TLCD3B: variants seen among roughly 807,000 people sequenced by gnomAD.
TLCD3B encodes the protein ceramide synthase.
In TLCD3B, 9 loss-of-function variants were observed where a neutral mutation model predicts 23.0. The ratio of observed to expected loss-of-function variants is 0.39; its 90% CI spans 0.24 to 0.68. TLCD3B has a LOEUF of 0.68. Among genes scored for constraint, TLCD3B ranks in the 30% least tolerant of loss-of-function variants. The pLI is 0.44. For missense variants in TLCD3B, 307 were observed against 371.8 expected (o/e 0.83, Z 1.43); for synonymous variants, 161 against 161.0 (o/e 1.00, Z 0.00).
chr16:30,032,369 C>A (rs566470689), upstream of TLCD3B, among the ~76,000 whole-genome samples: 5 of 152,170 alleles, frequency 3.3e-5, no homozygotes, highest in African/African-American at 4.8e-5. Context: ...CTCGCCTCCC[C>A]CAAAGAAAGG....
At position 30,025,727 on chromosome 16, in the gene TLCD3B, T is replaced by C. The variant is rs981098675; in HGVS notation, c.539A>G (p.Gln180Arg). ...CTGCACCCTCCCATGCTCACTCACC[T>C]GGATGAGGATCTTGCCAAGGCAGAC... ...PFVCLGKILI[Q>R]YKQQHTLLHK... Residue 180 changes from glutamine to arginine, a missense_variant and splice_region_variant, in exon 4 of 5, where the codon CAG (glutamine) becomes CGG (arginine). Physicochemically the swap from Gln to Arg is conservative, Grantham distance 43 (BLOSUM62 1). Transcript: ENST00000380495. This position sits in a 1 kb window ranked among gnomAD's most constrained non-coding sequence, Gnocchi z 4.1. The C allele has an allele frequency of 3.1e-6, 5 of 1,614,110 alleles. No individual in the cohort carries two copies. Among genetic ancestry groups the C allele is most frequent in the Non-Finnish European group, 3.4e-6 (4 of 1,179,972 alleles).
chr16:30,035,558 T>C, upstream of TLCD3B: 1 of 1,252,526 alleles, frequency 8.0e-7, no homozygotes, highest in Non-Finnish European at 1.0e-6. Context: ...AGCAGCCTTC[T>C]TCACCCCCAA....
chr16:30,039,053 A>G (rs1257163830), intron 3 of TLCD3B, among the ~76,000 whole-genome samples: 2 of 148,174 alleles, frequency 1.3e-5, no homozygotes, highest in African/African-American at 5.0e-5. Flanking sequence ...TACAATTTAG[A>G]CATCCTCATT....
chr16:30,027,169 G>A (rs143939300), intron 2 of TLCD3B: 23 of 485,708 alleles, frequency 4.7e-5, no homozygotes, highest in African/African-American at 3.5e-4. Flanking sequence ...GCCCAGGACA[G>A]GCAGGTGGGA....
upstream of TLCD3B, chr16:30,036,115 G>A (rs186894330): frequency 4.0e-5 from 50 of 1,247,662 alleles, no homozygotes; most frequent in East Asian, 5.1e-4. Flanking sequence ...CCCGCCCGCC[G>A]CCCACCCTAA....
chr16:30,044,010 C>CTTT (rs34857578), intron 2 of TLCD3B, among the ~76,000 whole-genome samples: 1 of 138,982 alleles, frequency 7.2e-6, no homozygotes. Flanking sequence ...TAACCATGTC[C>CTTT]TTTTTTTTTT....
At chr16:30,051,110 T>C (rs954688684) in intron 1 of TLCD3B, among the ~76,000 whole-genome samples, 4 of 151,940 alleles carry the variant, frequency 2.6e-5, no homozygotes, top group African/African-American at 7.3e-5. Context: ...AATCAGTGAG[T>C]ATTGGCTGAG....
At chr16:30,036,185 G>A, upstream of TLCD3B, 4 of 1,288,880 alleles carry the variant, frequency 3.1e-6, no homozygotes, top group Non-Finnish European at 4.0e-6. Flanking sequence ...GACAGAAAGG[G>A]AGGTTGATGT....
intron 3 of TLCD3B, among the ~76,000 whole-genome samples, chr16:30,038,408 C>T (rs989712729): frequency 3.3e-5 from 5 of 151,994 alleles, no homozygotes; most frequent in Admixed American, 1.3e-4. Context: ...GCTTTGATCA[C>T]GAGACTGCAC....
intron 3 of TLCD3B, among the ~76,000 whole-genome samples, chr16:30,038,179 C>G (rs1470523826): frequency 6.6e-6 from 1 of 152,218 alleles, no homozygotes; most frequent in Non-Finnish European, 1.5e-5. Flanking sequence ...GTGGGCAAAG[C>G]CTTTATGGGC....
chr16:30,036,211 A>G, upstream of TLCD3B: 1 of 1,289,144 alleles, frequency 7.8e-7, no homozygotes, highest in Non-Finnish European at 1.0e-6. Context: ...CTCAGCACCC[A>G]GAACTTGGAA....
At chr16:30,047,858 C>T (rs1028373308) in intron 1 of TLCD3B, among the ~76,000 whole-genome samples, 5 of 151,456 alleles carry the variant, frequency 3.3e-5, no homozygotes, top group Non-Finnish European at 5.9e-5. Flanking sequence ...CTCCTGGGCT[C>T]AGCCCTGGCG....
intron 1 of TLCD3B, among the ~76,000 whole-genome samples, chr16:30,050,601 G>C (rs2071735254): frequency 6.6e-6 from 1 of 152,204 alleles, no homozygotes; most frequent in Non-Finnish European, 1.5e-5. Flanking sequence ...ATCTTCTTTA[G>C]GATCAATAAT....
At chr16:30,044,006 T>C (rs913607355) in intron 2 of TLCD3B, among the ~76,000 whole-genome samples, 44 of 133,820 alleles carry the variant, frequency 3.3e-4, no homozygotes, top group African/African-American at 1.3e-3. Flanking sequence ...GAGCTAACCA[T>C]GTCCTTTTTT....
At chr16:30,026,247 AAG>A (rs1596734693) in intron 3 of TLCD3B, among the ~76,000 whole-genome samples, 2 of 150,674 alleles carry the variant, frequency 1.3e-5, no homozygotes. Flanking sequence ...AAAGAAAAAA[AAG>A]AGAAAGAACA....
At chr16:30,050,549 A>C (rs2151000979) in intron 1 of TLCD3B, among the ~76,000 whole-genome samples, 1 of 152,296 alleles carries the variant, frequency 6.6e-6, no homozygotes, top group Non-Finnish European at 1.5e-5. Context: ...CTCAAAAAAA[A>C]CAAAAACAAA....
chr16:30,033,351 C>A, upstream of TLCD3B: 1 of 152,338 alleles, frequency 6.6e-6, no homozygotes, highest in Non-Finnish European at 1.5e-5. Context: ...GGGTGATGGG[C>A]GGCCACCGTA....
upstream of TLCD3B, chr16:30,036,229 G>T (rs868352081): frequency 7.8e-7 from 1 of 1,289,114 alleles, no homozygotes; most frequent in Middle Eastern, 2.1e-4. Context: ...GAAAAAGGAA[G>T]GGAGGGGGTT....
chr16:30,038,409 G>A (rs1272277250), intron 3 of TLCD3B, among the ~76,000 whole-genome samples: 1 of 152,078 alleles, frequency 6.6e-6, no homozygotes, highest in Admixed American at 6.6e-5. Context: ...CTTTGATCAC[G>A]AGACTGCACT....
Sources: allele counts gnomAD v4.1 joint callset (sites outside exome capture counted in the v4.1 genomes callset), GRCh38; gene constraint gnomAD v4.1.1; non-coding constraint Gnocchi (gnomAD v3.1); transcripts MANE v1.5; gene names NCBI Gene and HGNC (gene_info 2026-07-23, HGNC 2026-07-21).